CEP83: variants seen among roughly 807,000 people sequenced by gnomAD.
The protein encoded by CEP83 is centrosomal protein 83.
CEP83 carries 70 observed loss-of-function variants against 101.9 expected under a neutral mutation model. The ratio of observed to expected loss-of-function variants is 0.69; its 90% CI spans 0.57 to 0.84. The LOEUF (loss-of-function observed/expected upper bound fraction) is 0.84, where lower values mean the gene tolerates loss of function less well. CEP83 is among the 40% of genes least tolerant of loss of function. The pLI is 0.00. For synonymous variants in CEP83, 264 were observed against 267.9 expected (o/e 0.99, Z 0.14); for missense variants, 715 against 787.2 (o/e 0.91, Z 1.10).
At chr12:94,416,992 A>C (rs948263755) in intron 2 of CEP83, among the ~76,000 whole-genome samples, 32 of 152,104 alleles carry the variant, frequency 2.1e-4, no homozygotes, top group African/African-American at 7.2e-4. Flanking sequence ...TCCCAAAAAA[A>C]ACTAAGGTGT....
intron 2 of CEP83, among the ~76,000 whole-genome samples, chr12:94,432,644 C>G (rs1171463621): frequency 6.6e-6 from 1 of 152,000 alleles, no homozygotes; most frequent in Non-Finnish European, 1.5e-5. Context: ...TACAGATATC[C>G]AGTTAGATAG....
At chr12:94,381,886 A>G (rs1229304667) in intron 6 of CEP83, among the ~76,000 whole-genome samples, 1 of 152,116 alleles carries the variant, frequency 6.6e-6, no homozygotes, top group East Asian at 1.9e-4. Context: ...TATATCCTTT[A>G]ACCAAGATTC....
chr12:94,313,268 GC>G, intron 14 of CEP83: 1 of 240,134 alleles, frequency 4.2e-6, no homozygotes, highest in South Asian at 8.9e-5. Flanking sequence ...AATAATTGCT[GC>G]AAAAAAAAAA....
chr12:94,359,415 CAAAT>C (rs1565982777), intron 11 of CEP83, among the ~76,000 whole-genome samples: 1 of 151,972 alleles, frequency 6.6e-6, no homozygotes, highest in Non-Finnish European at 1.5e-5. Context: ...TGAGAAGACC[CAAAT>C]AAATAAAATC....
intron 2 of CEP83, among the ~76,000 whole-genome samples, chr12:94,429,693 G>A (rs998913783): frequency 6.6e-6 from 1 of 152,022 alleles, no homozygotes; most frequent in African/African-American, 2.4e-5. Context: ...ACCCACAGCT[G>A]CCATCACTGT....
chr12:94,403,471 T>C (rs1339428328), intron 4 of CEP83, among the ~76,000 whole-genome samples: 1 of 152,198 alleles, frequency 6.6e-6, no homozygotes, highest in African/African-American at 2.4e-5. Context: ...TGTCAAAAAT[T>C]CCATTAACAT....
chr12:94,422,933 A>G (rs2064878137), intron 2 of CEP83, among the ~76,000 whole-genome samples: 1 of 152,120 alleles, frequency 6.6e-6, no homozygotes, highest in Admixed American at 6.5e-5. Flanking sequence ...TTCTGTGGAC[A>G]CATTTTCAGT....
At chr12:94,366,633 A>G (rs1447551315) in intron 11 of CEP83, among the ~76,000 whole-genome samples, 1 of 152,328 alleles carries the variant, frequency 6.6e-6, no homozygotes, top group African/African-American at 2.4e-5. Flanking sequence ...GAGAAAAAAT[A>G]AAGAAATAGA....
intron 8 of CEP83, among the ~76,000 whole-genome samples, chr12:94,372,861 GT>G (rs1327108737): frequency 6.6e-6 from 1 of 152,086 alleles, no homozygotes; most frequent in African/African-American, 2.4e-5. Context: ...TGGATCTAAA[GT>G]TTTTCTTTAT....
chr12:94,416,679 A>G (rs1360435472), intron 2 of CEP83, among the ~76,000 whole-genome samples: 1 of 152,160 alleles, frequency 6.6e-6, no homozygotes, highest in Admixed American at 6.5e-5. Flanking sequence ...AAGATGGTGC[A>G]CAAGAAGGCT....
At chr12:94,404,401 T>G (rs2063423835) in intron 4 of CEP83, among the ~76,000 whole-genome samples, 1 of 152,112 alleles carries the variant, frequency 6.6e-6, no homozygotes, top group African/African-American at 2.4e-5. Flanking sequence ...CAGGTAACAT[T>G]TTAATTTGCC....
chr12:94,434,698 T>A (rs1221493793), intron 2 of CEP83, among the ~76,000 whole-genome samples: 1 of 152,230 alleles, frequency 6.6e-6, no homozygotes, highest in Non-Finnish European at 1.5e-5. Flanking sequence ...AATATTTGCA[T>A]GTACATAATG....
At chr12:94,272,071 G>A in the CEP83 span, 5 of 152,170 alleles carry the variant, frequency 3.3e-5, no homozygotes, top group Admixed American at 2.6e-4. Flanking sequence ...AAGGGGCCAG[G>A]CCTTTCCAGC....
the CEP83 span, among the ~76,000 whole-genome samples, chr12:94,276,332 T>C: frequency 6.6e-6 from 1 of 152,100 alleles, no homozygotes; most frequent in Non-Finnish European, 1.5e-5. Context: ...AACAAGATCG[T>C]AGGTGGTGGC....
chr12:94,414,976 T>C (rs779097954), intron 2 of CEP83, among the ~76,000 whole-genome samples: 4 of 152,092 alleles, frequency 2.6e-5, no homozygotes, highest in Admixed American at 6.5e-5. Flanking sequence ...TAGAATTCTG[T>C]ATGCAAAGGG....
intron 11 of CEP83, among the ~76,000 whole-genome samples, chr12:94,348,353 T>G (rs1446550292): frequency 6.6e-6 from 1 of 152,112 alleles, no homozygotes; most frequent in East Asian, 1.9e-4. Context: ...GCCAAAGAAC[T>G]CAATGTCAAC....
intron 14 of CEP83, among the ~76,000 whole-genome samples, chr12:94,329,495 T>C (rs1417722362): frequency 6.6e-6 from 1 of 152,188 alleles, no homozygotes; most frequent in Non-Finnish European, 1.5e-5. Context: ...TATAACCTCC[T>C]CCACTCCTTC....
chr12:94,407,659 C>A (rs1183678725), intron 4 of CEP83, among the ~76,000 whole-genome samples: 1 of 152,028 alleles, frequency 6.6e-6, no homozygotes, highest in Non-Finnish European at 1.5e-5. Context: ...AAAACAAATA[C>A]ACACATAATA....
At chr12:94,341,430 G>C (rs529243205) in intron 11 of CEP83, among the ~76,000 whole-genome samples, 83 of 152,138 alleles carry the variant, frequency 5.5e-4, no homozygotes, top group Admixed American at 1.2e-3. Flanking sequence ...ATCTAAATAG[G>C]AGGTGCTGCA....
Sources: allele counts gnomAD v4.1 joint callset (sites outside exome capture counted in the v4.1 genomes callset), GRCh38; gene constraint gnomAD v4.1.1; transcripts MANE v1.5; gene names NCBI Gene and HGNC (gene_info 2026-07-23, HGNC 2026-07-21).